MTSS1: variants seen among roughly 807,000 people sequenced by gnomAD.
MTSS1 encodes the protein MTSS I-BAR domain containing 1.
In MTSS1, 18 loss-of-function variants were observed where a neutral mutation model predicts 79.0. The ratio of observed to expected loss-of-function variants is 0.23; its 90% confidence interval spans 0.16 to 0.34. The LOEUF is 0.34. Ranked by LOEUF, MTSS1 falls within the 10% of genes least tolerant of loss-of-function variation. The probability of loss-of-function intolerance (pLI) is 1.00; values close to 1 mark genes in which losing one functional copy is unlikely to be tolerated. For missense variants in MTSS1, 815 were observed against 986.2 expected (o/e 0.83, Z 2.33); for synonymous variants, 341 against 368.6 (o/e 0.93, Z 0.86).
intron 3 of MTSS1, among the ~76,000 whole-genome samples, chr8:124,605,045 T>G (rs1191259621): frequency 6.6e-6 from 1 of 152,186 alleles, no homozygotes; most frequent in Non-Finnish European, 1.5e-5. Context: ...AAAACCATAT[T>G]AACAGCAAAC....
At chr8:124,600,758 G>A (rs1833647098) in intron 3 of MTSS1, among the ~76,000 whole-genome samples, 2 of 152,224 alleles carry the variant, frequency 1.3e-5, no homozygotes, top group African/African-American at 2.4e-5. Context: ...AATGAACAGT[G>A]CAAAGGGCAG....
intron 6 of MTSS1, among the ~76,000 whole-genome samples, chr8:124,571,121 G>T (rs1274786634): frequency 6.6e-6 from 1 of 152,152 alleles, no homozygotes; most frequent in Non-Finnish European, 1.5e-5. Context: ...GGCCACCTGA[G>T]CCACTGGTTT....
At chr8:124,589,525 A>G in intron 5 of MTSS1, 95 bp downstream of exon 5, 2 of 926,624 alleles carry the variant, frequency 2.2e-6, no homozygotes. Context: ...TTTTGGTGAC[A>G]CCAATAAACC....
chr8:124,643,072 A>T (rs181527990), intron 3 of MTSS1, among the ~76,000 whole-genome samples: 189 of 152,280 alleles, frequency 1.2e-3, no homozygotes, highest in African/African-American at 4.5e-3. Flanking sequence ...AAGGGGGAAA[A>T]CTGAGTATCT....
intron 3 of MTSS1, among the ~76,000 whole-genome samples, chr8:124,621,003 C>T (rs1813395063): frequency 1.3e-5 from 2 of 152,112 alleles, no homozygotes. Flanking sequence ...GAATCAAGAC[C>T]AGGGAAGGCC....
intron 1 of MTSS1, among the ~76,000 whole-genome samples, chr8:124,715,947 G>A (rs1831885796): frequency 6.6e-6 from 1 of 152,174 alleles, no homozygotes; most frequent in Admixed American, 6.5e-5. Flanking sequence ...TAGGATGATG[G>A]GGAAAACAAC....
At chr8:124,588,211 C>T (rs1322924107) in intron 5 of MTSS1, among the ~76,000 whole-genome samples, 1 of 152,174 alleles carries the variant, frequency 6.6e-6, no homozygotes, top group African/African-American at 2.4e-5. Flanking sequence ...GCAGAATAAA[C>T]CATCCCCATA....
intron 4 of MTSS1, 141 bp downstream of exon 4, chr8:124,591,010 G>T: frequency 1.5e-6 from 1 of 659,320 alleles, no homozygotes; most frequent in Non-Finnish European, 2.5e-6. Context: ...GTATGCAGCA[G>T]ATGCCTAACA....
chr8:124,663,162 T>C (rs529888774), intron 3 of MTSS1, among the ~76,000 whole-genome samples: 2 of 152,142 alleles, frequency 1.3e-5, no homozygotes, highest in Non-Finnish European at 2.9e-5. Context: ...CACGTGTCTC[T>C]AGGAAAAGAG....
chr8:124,714,909 A>G (rs758213470), intron 1 of MTSS1, among the ~76,000 whole-genome samples: 41 of 152,178 alleles, frequency 2.7e-4, no homozygotes, highest in African/African-American at 9.9e-4. Flanking sequence ...TATAAGCTTA[A>G]TCCTCCCCAG....
chr8:124,678,245 A>G (rs554499960), intron 3 of MTSS1, among the ~76,000 whole-genome samples: 1 of 152,280 alleles, frequency 6.6e-6, no homozygotes, highest in South Asian at 2.1e-4. Context: ...CAGACTTAAG[A>G]TCCTGGTTCT....
intron 6 of MTSS1, among the ~76,000 whole-genome samples, chr8:124,583,569 T>G (rs1455194377): frequency 3.3e-5 from 5 of 152,192 alleles, no homozygotes; most frequent in Non-Finnish European, 7.3e-5. Context: ...GGATTATCAC[T>G]GTAGCCAAGA....
chr8:124,717,920 A>G (rs1832332629), intron 1 of MTSS1, among the ~76,000 whole-genome samples: 1 of 152,174 alleles, frequency 6.6e-6, no homozygotes, highest in Admixed American at 6.5e-5. Flanking sequence ...CTTCTCAAGT[A>G]TGTTTTGACC....
At chr8:124,593,316 G>A (rs991601844) in intron 3 of MTSS1, among the ~76,000 whole-genome samples, 2 of 152,226 alleles carry the variant, frequency 1.3e-5, no homozygotes, top group African/African-American at 4.8e-5. Flanking sequence ...TGGTAAGAGT[G>A]TAAACTACTA....
intron 3 of MTSS1, among the ~76,000 whole-genome samples, chr8:124,636,050 T>G (rs1816921933): frequency 6.6e-6 from 1 of 152,086 alleles, no homozygotes; most frequent in South Asian, 2.1e-4. Context: ...TTCGACAGGC[T>G]CCTTAGGCTA....
At chr8:124,672,878 T>TACACACACATGC (rs1563974066) in intron 3 of MTSS1, among the ~76,000 whole-genome samples, 1 of 150,308 alleles carries the variant, frequency 6.7e-6, no homozygotes, top group African/African-American at 2.5e-5. Context: ...CACACATGCA[T>TACACACACATGC]ACACACACAC....
rs1289117896 is a variant in MTSS1 at position 124,552,759 on chromosome 8, G to C, written c.*233C>G. 4 of 471,052 alleles carry C rather than the reference G, an allele frequency of 8.5e-6. No homozygotes were observed. The highest frequency in any genetic ancestry group is 1.5e-5 in the Non-Finnish European group (4 of 270,412). The allele number at this position is 471,052 out of a possible 1,614,324, so 29.2% of individuals were successfully genotyped here. A position where few individuals can be genotyped will look rare whatever the true frequency, so the allele number is the denominator to read the frequency against. On this transcript the variant is annotated 3_prime_UTR_variant, in exon 14 of 14. Coordinates refer to ENST00000518547, the MANE Select transcript of MTSS1 (RefSeq NM_014751.6). ...TCAGAAAAATCAAAAGGGAAACTAA[G>C]ATTAAAATGTGCAGAAAGAAAATTG...
intron 1 of MTSS1, among the ~76,000 whole-genome samples, chr8:124,724,885 C>G (rs1477240840): frequency 1.3e-5 from 2 of 152,194 alleles, no homozygotes; most frequent in Non-Finnish European, 2.9e-5. Context: ...GTTCCCCAGA[C>G]AAACCAGCTA....
chr8:124,631,755 C>T (rs1019945541), intron 3 of MTSS1, among the ~76,000 whole-genome samples: 3 of 152,234 alleles, frequency 2.0e-5, no homozygotes, highest in African/African-American at 2.4e-5. Context: ...CCTCCTACAG[C>T]GGGTCTGATC....
Sources: gnomAD v4.1 joint callset for allele counts (sites outside exome capture counted in the v4.1 genomes callset) on GRCh38, gnomAD v4.1.1 for gene constraint, MANE v1.5 for transcripts, NCBI Gene and HGNC (gene_info 2026-07-23, HGNC 2026-07-21) for gene names.